Variants in SPIRE1 observed in about 807,000 individuals in gnomAD.
SPIRE1 encodes the protein spire type actin nucleation factor 1, also known as protein spire homolog 1.
SPIRE1 carries 40 observed loss-of-function variants against 94.1 expected under a neutral mutation model. The observed-to-expected ratio is 0.43, with a 90% CI of 0.33 to 0.55. The LOEUF is 0.55. Among genes scored for constraint, SPIRE1 ranks in the 20% least tolerant of loss-of-function variants. The pLI is 0.06. For synonymous variants in SPIRE1, 376 were observed against 371.7 expected, an observed-to-expected ratio of 1.01 and a Z score of -0.13; for missense variants, 838 against 975.2, an observed-to-expected ratio of 0.86 and a Z score of 1.87.
At chr18:12,563,993 A>C (rs1439365115) in intron 2 of SPIRE1, among the ~76,000 whole-genome samples, 7 of 152,214 alleles carry the variant, frequency 4.6e-5, no homozygotes, top group Non-Finnish European at 7.3e-5. Flanking sequence ...ACATATCTTC[A>C]GTTTCTTAAA....
At chr18:12,582,519 T>TA (rs1342203468) in intron 2 of SPIRE1, among the ~76,000 whole-genome samples, 1 of 152,322 alleles carries the variant, frequency 6.6e-6, no homozygotes, top group East Asian at 1.9e-4. Flanking sequence ...ATACAGTTAA[T>TA]AATTGCTCCA....
intron 6 of SPIRE1, among the ~76,000 whole-genome samples, chr18:12,498,639 T>G (rs371331265): frequency 2.6e-5 from 4 of 152,208 alleles, no homozygotes; most frequent in Non-Finnish European, 5.9e-5. Flanking sequence ...ATAATTTTCT[T>G]TTTTTGCGAC....
chr18:12,585,346 G>A (rs1215688131), intron 2 of SPIRE1, among the ~76,000 whole-genome samples: 1 of 152,036 alleles, frequency 6.6e-6, no homozygotes, highest in Non-Finnish European at 1.5e-5. Flanking sequence ...TGATAGGAAG[G>A]GCCAAGAAAC....
chr18:12,606,489 A>G (rs759611503), intron 2 of SPIRE1, among the ~76,000 whole-genome samples: 1 of 151,952 alleles, frequency 6.6e-6, no homozygotes, highest in East Asian at 1.9e-4. Flanking sequence ...AAAGCTGCTC[A>G]CTTTCCTAAA....
chr18:12,631,548 CAAAAAAA>C (rs869278182), intron 2 of SPIRE1, among the ~76,000 whole-genome samples: 17 of 63,794 alleles, frequency 2.7e-4, no homozygotes, highest in Admixed American at 2.2e-4. Context: ...CCCATCTCTA[CAAAAAAA>C]AAAAAAAAAA....
chr18:12,589,929 T>G (rs940707143), intron 2 of SPIRE1, among the ~76,000 whole-genome samples: 1 of 152,246 alleles, frequency 6.6e-6, no homozygotes, highest in Non-Finnish European at 1.5e-5. Context: ...AAAACAAATT[T>G]ATATTGATAA....
At chr18:12,659,472 G>T (rs1267891000), upstream of SPIRE1, among the ~76,000 whole-genome samples, 1 of 152,108 alleles carries the variant, frequency 6.6e-6, no homozygotes, top group Non-Finnish European at 1.5e-5. Context: ...TTCGAGACCA[G>T]CCTGGCCAAC....
Position 12,510,550 on chromosome 18 carries a change from T to C in SPIRE1, c.807+1904A>G, listed in dbSNP as rs552558823. On this transcript the variant is annotated intron_variant, in intron 5 of 16. Transcript: ENST00000409402. The stretch of plus-strand genomic sequence containing the variant: ...ATACCTGGACTTCAACAATCTTCTT[T>C]TTTTTTTTTTGAGACAGAGTCTCCC... Among the ~76,000 whole-genome samples, 496 of 151,540 alleles carry C rather than the reference T, an allele frequency of 3.3e-3. 2 individuals are homozygous for C. The highest frequency in any genetic ancestry group is 0.011 in the African/African-American group (467 of 41,404).
intron 4 of SPIRE1, among the ~76,000 whole-genome samples, chr18:12,531,977 C>T (rs545576939): frequency 5.9e-5 from 9 of 152,266 alleles, no homozygotes; most frequent in Admixed American, 1.3e-4. Flanking sequence ...CTGATGCACT[C>T]GATGGATTGC....
chr18:12,519,980 A>G (rs1480496105), intron 4 of SPIRE1, among the ~76,000 whole-genome samples: 1 of 152,216 alleles, frequency 6.6e-6, no homozygotes, highest in Non-Finnish European at 1.5e-5. Flanking sequence ...ATAGGTTAAA[A>G]ATTATCCATG....
chr18:12,481,191 G>C (rs557352817), intron 9 of SPIRE1, among the ~76,000 whole-genome samples: 1 of 152,052 alleles, frequency 6.6e-6, no homozygotes, highest in South Asian at 2.1e-4. Context: ...TTAGCCAGGC[G>C]TGGTGGTGGA....
intron 2 of SPIRE1, among the ~76,000 whole-genome samples, chr18:12,621,849 A>G (rs2037477512): frequency 6.6e-6 from 1 of 152,236 alleles, no homozygotes; most frequent in Admixed American, 6.5e-5. Context: ...ATATCCTAAA[A>G]AAATTATTTT....
intron 4 of SPIRE1, 26 bp downstream of exon 4, chr18:12,535,450 A>G (rs1168241874): frequency 1.9e-6 from 3 of 1,589,758 alleles, no homozygotes; most frequent in Admixed American, 1.7e-5. Context: ...AACAATGCCA[A>G]TAAATATCAA....
At chr18:12,526,242 C>A (rs2034522146) in intron 4 of SPIRE1, among the ~76,000 whole-genome samples, 1 of 152,190 alleles carries the variant, frequency 6.6e-6, no homozygotes, top group African/African-American at 2.4e-5. Flanking sequence ...TGAGAAGTCA[C>A]TTCTCCCTCT....
rs557069781 is a variant in SPIRE1, at chr18:12,544,040, C to T, written c.603+2634G>A. Among the ~76,000 whole-genome samples, 14 of 152,266 alleles carry T rather than the reference C, an allele frequency of 9.2e-5. No individual in the cohort carries two copies. The East Asian group carries it at 9.6e-4, about 10-fold the overall frequency. On this transcript the variant is annotated intron_variant, in intron 3 of 16. Transcript: ENST00000409402. ...CTACATGGAACATTCAGAACAGTCA[C>T]AGATGTGGAGAATTTTATGGGTCAG...
At chr18:12,565,562 C>T (rs959496448) in intron 2 of SPIRE1, among the ~76,000 whole-genome samples, 9 of 151,884 alleles carry the variant, frequency 5.9e-5, no homozygotes, top group African/African-American at 1.4e-4. Flanking sequence ...TTAGTAGAGA[C>T]GAGATTTCAC....
intron 4 of SPIRE1, among the ~76,000 whole-genome samples, chr18:12,525,961 C>A (rs985221980): frequency 2.6e-5 from 4 of 151,752 alleles, no homozygotes; most frequent in Non-Finnish European, 4.4e-5. Context: ...ATCATATGCT[C>A]AGAAACTCAC....
intron 8 of SPIRE1, among the ~76,000 whole-genome samples, chr18:12,489,701 C>T (rs2033164507): frequency 1.3e-5 from 2 of 152,150 alleles, no homozygotes; most frequent in Non-Finnish European, 2.9e-5. Flanking sequence ...GAGATCACAT[C>T]CTTATAAATC....
Position 12,529,507 on chromosome 18 carries a change from A to C in SPIRE1, c.729+5969T>G, listed in dbSNP as rs527317845. The stretch of plus-strand genomic sequence containing the variant: ...AAGGGTCAAGGAAGACAACACTTAT[A>C]AGAAGCGTTTAATATGTCAAGAAAC... On this transcript the variant is annotated intron_variant, in intron 4 of 16. Transcript: ENST00000409402. Among the ~76,000 whole-genome samples, 130 of 152,296 alleles carry C rather than the reference A, an allele frequency of 8.5e-4. 2 individuals carry two copies. In the South Asian group the frequency reaches 0.025, roughly 29 times the overall value.
Sources: gnomAD v4.1 joint callset for allele counts (sites outside exome capture counted in the v4.1 genomes callset) on GRCh38, gnomAD v4.1.1 for gene constraint, MANE v1.5 for transcripts, NCBI Gene and HGNC (gene_info 2026-07-23, HGNC 2026-07-21) for gene names.